Variants in GABRB2 observed in about 807,000 individuals in gnomAD.
GABRB2 encodes the protein gamma-aminobutyric acid type A receptor subunit beta2, also known as gamma-aminobutyric acid receptor subunit beta-2.
A neutral mutation model predicts 54.7 loss-of-function variants in GABRB2; 16 were observed. The ratio of observed to expected loss-of-function variants is 0.29; its 90% CI spans 0.20 to 0.44. The LOEUF (loss-of-function observed/expected upper bound fraction) is 0.44. Ranked by LOEUF, GABRB2 falls within the 20% of genes least tolerant of loss-of-function variation. The probability of loss-of-function intolerance (pLI) is 1.00; values close to 1 mark genes in which losing one functional copy is unlikely to be tolerated. For missense variants in GABRB2, 355 were observed against 644.0 expected (o/e 0.55, Z 4.86); for synonymous variants, 244 against 233.8 (o/e 1.04, Z -0.40).
At chr5:161,469,652 G>C (rs527848205) in intron 3 of GABRB2, among the ~76,000 whole-genome samples, 3 of 148,406 alleles carry the variant, frequency 2.0e-5, no homozygotes, top group African/African-American at 7.6e-5. Context: ...CTAATACTCA[G>C]AGGAGATGGA....
chr5:161,459,983 C>T (rs1230268563), intron 3 of GABRB2, 139 bp from the exon 4 acceptor site: 1 of 565,786 alleles, frequency 1.8e-6, no homozygotes, highest in African/African-American at 1.9e-5. Flanking sequence ...CTCACTCTGT[C>T]ACCCAGGCTG....
chr5:161,522,922 T>C (rs576139434), intron 3 of GABRB2, among the ~76,000 whole-genome samples: 1 of 151,558 alleles, frequency 6.6e-6, no homozygotes, highest in African/African-American at 2.4e-5. Flanking sequence ...TGTGACATCA[T>C]GTAAAATTAA....
intron 5 of GABRB2, among the ~76,000 whole-genome samples, chr5:161,382,241 C>A (rs115355040): frequency 3.9e-5 from 6 of 152,138 alleles, no homozygotes; most frequent in African/African-American, 1.4e-4. Flanking sequence ...CCAGGAAGTG[C>A]GCTATCCTCT....
chr5:161,420,680 C>T (rs1756822771), intron 4 of GABRB2, among the ~76,000 whole-genome samples: 1 of 152,302 alleles, frequency 6.6e-6, no homozygotes, highest in Admixed American at 6.5e-5. Context: ...CGGGTGGCAA[C>T]CTGGGGATTC....
At chr5:161,334,713 A>G in intron 7 of GABRB2, 39 bp downstream of exon 7, 1 of 1,607,798 alleles carries the variant, frequency 6.2e-7, no homozygotes, top group Non-Finnish European at 8.5e-7. Flanking sequence ...AAATGTACAC[A>G]CAGAGTCAAA....
chr5:161,357,438 C>A (rs1189997888), intron 5 of GABRB2, among the ~76,000 whole-genome samples: 1 of 150,004 alleles, frequency 6.7e-6, no homozygotes, highest in Non-Finnish European at 1.5e-5. Context: ...GCAGGGTTGG[C>A]AGTCACATAA....
At chr5:161,417,425 C>A (rs770523593) in intron 4 of GABRB2, among the ~76,000 whole-genome samples, 1 of 152,118 alleles carries the variant, frequency 6.6e-6, no homozygotes, top group Admixed American at 6.5e-5. Context: ...AAGAGTCACA[C>A]GGTGAGTGGT....
chr5:161,474,060 G>A (rs950770425), intron 3 of GABRB2, among the ~76,000 whole-genome samples: 9 of 152,014 alleles, frequency 5.9e-5, no homozygotes, highest in Admixed American at 3.9e-4. Context: ...GCAAAGCTAT[G>A]AAGAAAGTCC....
Position 161,474,117 on chromosome 5 carries a change from T to C in GABRB2, c.238-14273A>G, listed in dbSNP as rs140882178. Among the ~76,000 whole-genome samples the C allele has an allele frequency of 2.7e-3, 409 of 151,974 alleles. 1 individual carries two copies. The highest frequency in any genetic ancestry group is 9.4e-3 in the African/African-American group (389 of 41,470). On this transcript the variant is annotated intron_variant, in intron 3 of 9. Transcript: ENST00000393959. ...GCCAAGGCCCTAGAGCAGGGATGGA[T>C]TGGGAAGAGACCAGCTCTAAGCATC...
intron 3 of GABRB2, among the ~76,000 whole-genome samples, chr5:161,542,136 C>T (rs1181908332): frequency 6.6e-6 from 1 of 152,138 alleles, no homozygotes; most frequent in Non-Finnish European, 1.5e-5. Flanking sequence ...AGTTTGCTGT[C>T]TTACCTCAGT....
At chr5:161,297,892 C>T (rs1182269931) in intron 9 of GABRB2, among the ~76,000 whole-genome samples, 1 of 152,170 alleles carries the variant, frequency 6.6e-6, no homozygotes, top group Non-Finnish European at 1.5e-5. Context: ...AATTTACACT[C>T]CCACTAACAG....
At chr5:161,496,915 A>G (rs996733596) in intron 3 of GABRB2, among the ~76,000 whole-genome samples, 4 of 152,160 alleles carry the variant, frequency 2.6e-5, no homozygotes, top group Admixed American at 6.6e-5. Flanking sequence ...GTATACACCC[A>G]TATCAAATTT....
In GABRB2 at chr5:161,314,872, G is replaced by A. The variant is rs1022261547; in HGVS notation, c.1191+11496C>T. On this transcript the variant is annotated intron_variant, in intron 9 of 9. Transcript: ENST00000393959. ...ATTGACTGATAAAAAAGGAAAGAAC[G>A]AAATAAATTAAATGTTAATAATATA... Among the ~76,000 whole-genome samples, 6 of 152,094 alleles carry A rather than the reference G, an allele frequency of 3.9e-5. No homozygotes were observed. In the East Asian group the frequency reaches 5.8e-4, roughly 15 times the overall value.
intron 3 of GABRB2, among the ~76,000 whole-genome samples, chr5:161,538,604 G>A (rs913897361): frequency 1.3e-5 from 2 of 152,184 alleles, no homozygotes; most frequent in South Asian, 2.1e-4. Flanking sequence ...TGGGGAAATC[G>A]CTTGAGCTCA....
intron 5 of GABRB2, among the ~76,000 whole-genome samples, chr5:161,363,433 C>T (rs568526718): frequency 6.6e-5 from 10 of 152,114 alleles, no homozygotes; most frequent in South Asian, 6.2e-4. Flanking sequence ...ATGCAGATGA[C>T]GGGTTGATGG....
intron 9 of GABRB2, among the ~76,000 whole-genome samples, chr5:161,323,292 G>A (rs569508934): frequency 4.7e-4 from 71 of 152,150 alleles, no homozygotes; most frequent in Non-Finnish European, 1.5e-4. Flanking sequence ...CAAAGTGCTG[G>A]GATTACAGGC....
chr5:161,380,854 T>C (rs1755444261), intron 5 of GABRB2, among the ~76,000 whole-genome samples: 1 of 110,174 alleles, frequency 9.1e-6, no homozygotes, highest in Non-Finnish European at 2.1e-5. Context: ...TTTCTCAAGA[T>C]TTTACAAGGG....
At chr5:161,328,783 T>C (rs1753736996) in intron 8 of GABRB2, among the ~76,000 whole-genome samples, 1 of 152,152 alleles carries the variant, frequency 6.6e-6, no homozygotes, top group Admixed American at 6.6e-5. Context: ...AACCTGGGCC[T>C]CTACACACTA....
chr5:161,543,116 G>A (rs1217308798), intron 3 of GABRB2, among the ~76,000 whole-genome samples: 3 of 152,158 alleles, frequency 2.0e-5, no homozygotes, highest in Admixed American at 6.5e-5. Context: ...TTCAACACTT[G>A]GTTCTAATCA....
Sources: allele counts gnomAD v4.1 joint callset (sites outside exome capture counted in the v4.1 genomes callset), GRCh38; gene constraint gnomAD v4.1.1; transcripts MANE v1.5; gene names NCBI Gene and HGNC (gene_info 2026-07-23, HGNC 2026-07-21).